The following CAST variants were observed in gnomAD, a reference collection of about 807,000 sequenced individuals.
CAST encodes calpastatin, also known as MIR583 host.
A neutral mutation model predicts 119.6 loss-of-function variants in CAST; 76 were observed. The ratio of observed to expected loss-of-function variants is 0.64; its 90% CI spans 0.53 to 0.77. The LOEUF (loss-of-function observed/expected upper bound fraction) is 0.77. Ranked by LOEUF, CAST falls within the 30% of genes least tolerant of loss-of-function variation. The probability of loss-of-function intolerance (pLI) is 0.00; values close to 1 mark genes in which losing one functional copy is unlikely to be tolerated. For synonymous variants in CAST, 319 were observed against 331.6 expected, an observed-to-expected ratio of 0.96 and a Z score of 0.41; for missense variants, 953 against 946.5, an observed-to-expected ratio of 1.01 and a Z score of -0.09.
At chr5:96,138,364 A>T in the CAST span, among the ~76,000 whole-genome samples, 1 of 152,074 alleles carries the variant, frequency 6.6e-6, no homozygotes, top group African/African-American at 2.4e-5. Context: ...TTGTAATAAC[A>T]CATTGTCTTG....
chr5:96,082,836 A>G, the CAST span, among the ~76,000 whole-genome samples: 1 of 152,242 alleles, frequency 6.6e-6, no homozygotes, highest in Non-Finnish European at 1.5e-5. Context: ...AATTAAAATC[A>G]GAAAAAGGCA....
intron 3 of CAST, among the ~76,000 whole-genome samples, chr5:96,708,204 T>TA (rs1326834419): frequency 1.3e-5 from 2 of 152,242 alleles, no homozygotes; most frequent in Non-Finnish European, 2.9e-5. Flanking sequence ...CATTTTATTT[T>TA]AAAAGTTGTG....
the CAST span, among the ~76,000 whole-genome samples, chr5:96,207,015 C>A: frequency 6.6e-6 from 1 of 151,944 alleles, no homozygotes; most frequent in African/African-American, 2.4e-5. Context: ...AGAGATCTTT[C>A]CTCTCCCTGG....
At chr5:96,410,911 C>CA in the CAST span, 1 of 1,614,076 alleles carries the variant, frequency 6.2e-7, no homozygotes, top group African/African-American at 1.3e-5. Flanking sequence ...GTGTAGCCAT[C>CA]ACAGTCACAA....
At chr5:96,394,992 T>A in the CAST span, 1 of 1,614,018 alleles carries the variant, frequency 6.2e-7, no homozygotes, top group African/African-American at 1.3e-5. Context: ...AGCTTCCAGT[T>A]CACAATTCTT....
At chr5:96,749,323 AC>A (rs1272989218) in intron 19 of CAST, among the ~76,000 whole-genome samples, 4 of 152,212 alleles carry the variant, frequency 2.6e-5, no homozygotes, top group African/African-American at 9.6e-5. Flanking sequence ...TTTATATATC[AC>A]TATTAAAGCC....
At chr5:96,630,452 G>A (rs946395041) in intron 1 of CAST, among the ~76,000 whole-genome samples, 1 of 152,150 alleles carries the variant, frequency 6.6e-6, no homozygotes, top group Non-Finnish European at 1.5e-5. Context: ...TAAAATACAG[G>A]AGGGAAGAAA....
the CAST span, among the ~76,000 whole-genome samples, chr5:96,000,777 A>G: frequency 6.6e-6 from 1 of 152,210 alleles, no homozygotes; most frequent in South Asian, 2.1e-4. Flanking sequence ...GTTTGACATC[A>G]TCTGTTTTGA....
the CAST span, among the ~76,000 whole-genome samples, chr5:96,334,284 A>T: frequency 6.6e-6 from 1 of 152,000 alleles, no homozygotes; most frequent in East Asian, 1.9e-4. Context: ...TCTAGGAGAG[A>T]CCTCTTTTCT....
the CAST span, among the ~76,000 whole-genome samples, chr5:96,148,403 C>T: frequency 2.6e-5 from 4 of 152,112 alleles, no homozygotes; most frequent in Non-Finnish European, 4.4e-5. Context: ...TGTTTTGATG[C>T]CTTCATTATA....
chr5:96,532,737 C>T (rs1210527207), intron 1 of CAST, among the ~76,000 whole-genome samples: 1 of 152,128 alleles, frequency 6.6e-6, no homozygotes, highest in East Asian at 1.9e-4. Flanking sequence ...GTAATCCCAG[C>T]TACTTGGGTG....
At chr5:96,298,616 A>G in the CAST span, among the ~76,000 whole-genome samples, 1 of 152,206 alleles carries the variant, frequency 6.6e-6, no homozygotes, top group Non-Finnish European at 1.5e-5. Flanking sequence ...TATTGGGAAT[A>G]TTAGTGTCAT....
chr5:96,265,150 T>TGA, the CAST span, among the ~76,000 whole-genome samples: 1 of 152,198 alleles, frequency 6.6e-6, no homozygotes, highest in Non-Finnish European at 1.5e-5. Context: ...CAGTACCATA[T>TGA]GAGAGTTCTG....
chr5:96,187,890 T>C, the CAST span, among the ~76,000 whole-genome samples: 1 of 152,242 alleles, frequency 6.6e-6, no homozygotes, highest in Non-Finnish European at 1.5e-5. Context: ...GTCCCATCTC[T>C]ACTGAGCTGT....
At chr5:96,530,242 G>A (rs1745667433) in intron 1 of CAST, among the ~76,000 whole-genome samples, 1 of 152,134 alleles carries the variant, frequency 6.6e-6, no homozygotes, top group Non-Finnish European at 1.5e-5. Context: ...GAGGAGGCTT[G>A]TAAATGGAGA....
At chr5:96,091,305 C>T in the CAST span, among the ~76,000 whole-genome samples, 6 of 149,418 alleles carry the variant, frequency 4.0e-5, no homozygotes, top group Non-Finnish European at 8.9e-5. Flanking sequence ...CAGGTTCAAG[C>T]GATTCTCCTG....
the CAST span, among the ~76,000 whole-genome samples, chr5:96,223,547 T>A: frequency 1.3e-5 from 2 of 152,154 alleles, no homozygotes; most frequent in Non-Finnish European, 2.9e-5. Flanking sequence ...TCAGAAAGGA[T>A]TTTTCCCTAG....
At chr5:96,430,696 T>C in the CAST span, among the ~76,000 whole-genome samples, 1 of 152,248 alleles carries the variant, frequency 6.6e-6, no homozygotes, top group East Asian at 1.9e-4. Context: ...TACAAAGAAT[T>C]ATTATTCTAA....
chr5:96,547,502 T>C (rs760961795), intron 1 of CAST, among the ~76,000 whole-genome samples: 3 of 152,234 alleles, frequency 2.0e-5, no homozygotes, highest in Non-Finnish European at 4.4e-5. Flanking sequence ...CTGAACAGAT[T>C]GGATGAAGTT....
Sources: gnomAD v4.1 joint callset for allele counts (sites outside exome capture counted in the v4.1 genomes callset) on GRCh38, gnomAD v4.1.1 for gene constraint, MANE v1.5 for transcripts, NCBI Gene and HGNC (gene_info 2026-07-23, HGNC 2026-07-21) for gene names.